Variants in ADGRL3 observed in about 807,000 individuals in gnomAD.
ADGRL3 encodes the protein calcium-independent alpha-latrotoxin receptor 3.
ADGRL3 carries 62 observed loss-of-function variants against 153.5 expected under a neutral mutation model. The observed-to-expected ratio is 0.40, with a 90% CI of 0.33 to 0.50. The LOEUF (loss-of-function observed/expected upper bound fraction) is 0.50, where lower values mean the gene tolerates loss of function less well. ADGRL3 is among the 20% of genes least tolerant of loss of function. The pLI, the probability that ADGRL3 is intolerant of heterozygous loss-of-function variation, is 0.47. For missense variants in ADGRL3, 1,641 were observed against 1,859.4 expected (o/e 0.88, Z 2.16); for synonymous variants, 710 against 672.5 (o/e 1.06, Z -0.86).
intron 1 of ADGRL3, among the ~76,000 whole-genome samples, chr4:61,313,774 G>A (rs1435275508): frequency 1.3e-5 from 2 of 152,128 alleles, no homozygotes; most frequent in Non-Finnish European, 2.9e-5. Context: ...AAGAAGTACG[G>A]TGGTTTTTTA....
chr4:61,739,251 A>G (rs1357919685), intron 8 of ADGRL3, among the ~76,000 whole-genome samples: 1 of 152,006 alleles, frequency 6.6e-6, no homozygotes, highest in Non-Finnish European at 1.5e-5. Context: ...GTAGACTTTG[A>G]TTCATATTGT....
intron 5 of ADGRL3, among the ~76,000 whole-genome samples, chr4:61,602,098 G>A (rs528504315): frequency 2.9e-5 from 3 of 103,950 alleles, no homozygotes; most frequent in African/African-American, 9.3e-5. Flanking sequence ...CTTGATCCAT[G>A]CTAAAATGAC....
intron 25 of ADGRL3, among the ~76,000 whole-genome samples, chr4:62,045,297 T>G (rs545172219): frequency 2.0e-5 from 3 of 151,950 alleles, no homozygotes; most frequent in Non-Finnish European, 4.4e-5. Context: ...AGAATTCATT[T>G]TGCTGCAGTA....
chr4:61,989,745 T>G (rs1410938423), intron 19 of ADGRL3, among the ~76,000 whole-genome samples: 2 of 152,046 alleles, frequency 1.3e-5, no homozygotes, highest in Non-Finnish European at 2.9e-5. Context: ...AATGAAATGT[T>G]AGACTTAAAA....
At chr4:61,869,936 T>TAAAAAAAAAAAAAAAAAAAAAAAAAAAAA (rs1190618911) in intron 9 of ADGRL3, among the ~76,000 whole-genome samples, 1 of 10,506 alleles carries the variant, frequency 9.5e-5, no homozygotes, top group Non-Finnish European at 2.6e-4. Flanking sequence ...AAAACTTTGT[T>TAAAAAAAAAAAAAAAAAAAAAAAAAAAAA]AAAAAAAAAA....
chr4:61,245,795 A>T, intron 1 of ADGRL3, among the ~76,000 whole-genome samples: 1 of 152,126 alleles, frequency 6.6e-6, no homozygotes, highest in East Asian at 1.9e-4. Flanking sequence ...AATAGCATTA[A>T]GTGGTAAACA....
chr4:61,691,572 T>C (rs1430373181), intron 6 of ADGRL3, among the ~76,000 whole-genome samples: 1 of 152,168 alleles, frequency 6.6e-6, no homozygotes, highest in African/African-American at 2.4e-5. Flanking sequence ...ACTATTTGAA[T>C]AAGTAATGCA....
intron 6 of ADGRL3, among the ~76,000 whole-genome samples, chr4:61,716,400 C>A (rs748586620): frequency 6.6e-6 from 1 of 152,124 alleles, no homozygotes; most frequent in Non-Finnish European, 1.5e-5. Flanking sequence ...AAATTAACCT[C>A]TCTCTTCTGC....
rs2097140387 is a variant in ADGRL3, at chr4:61,775,755, T to A, written c.1400-38054T>A. The A allele has an allele frequency of 9.2e-6, 8 of 871,226 alleles. No individual in the cohort carries two copies. In the South Asian group the frequency reaches 1.0e-4, roughly 11 times the overall value. 54.0% of individuals were successfully genotyped at this position (871,226 alleles called of 1,614,324 possible). Reference sequence around the variant, plus strand: ...CTTTGGTAGCTTCATGAATTCCACGTGCTAGGCAATCGTGGATGAGGGCAG... The same window carrying A: ...CTTTGGTAGCTTCATGAATTCCACGAGCTAGGCAATCGTGGATGAGGGCAG... On this transcript the variant is annotated intron_variant, in intron 8 of 26. Transcript: ENST00000683033.
At chr4:61,281,319 T>C (rs2093715304) in intron 1 of ADGRL3, among the ~76,000 whole-genome samples, 1 of 152,148 alleles carries the variant, frequency 6.6e-6, no homozygotes, top group African/African-American at 2.4e-5. Context: ...TTTTTAAAGC[T>C]TTTTTACTTG....
At chr4:61,345,157 T>C (rs1393300385) in intron 1 of ADGRL3, among the ~76,000 whole-genome samples, 1 of 152,022 alleles carries the variant, frequency 6.6e-6, no homozygotes, top group Non-Finnish European at 1.5e-5. Context: ...AGTATGTTAG[T>C]ATATTAAAGA....
At chr4:61,597,401 G>A (rs544579053) in intron 5 of ADGRL3, among the ~76,000 whole-genome samples, 292 of 152,144 alleles carry the variant, frequency 1.9e-3, no homozygotes, top group African/African-American at 6.8e-3. Flanking sequence ...TATTGATGTT[G>A]TTGAATTATT....
At chr4:61,290,663 AAAGG>A (rs35577402) in intron 1 of ADGRL3, among the ~76,000 whole-genome samples, 47,621 of 145,832 alleles carry the variant, frequency 0.33, 8,281 homozygotes, top group East Asian at 0.41. Context: ...AGGAAGGAAG[AAAGG>A]AAGGAAGGAA....
chr4:61,886,051 A>G (rs2098537024), intron 9 of ADGRL3, among the ~76,000 whole-genome samples: 1 of 152,222 alleles, frequency 6.6e-6, no homozygotes, highest in African/African-American at 2.4e-5. Flanking sequence ...TGAAAGAACT[A>G]GAAAGTATAA....
At chr4:61,257,604 A>T (rs1254047097) in intron 1 of ADGRL3, among the ~76,000 whole-genome samples, 1 of 152,176 alleles carries the variant, frequency 6.6e-6, no homozygotes, top group Non-Finnish European at 1.5e-5. Flanking sequence ...GTATTTTATT[A>T]GTGCAGTTTT....
intron 1 of ADGRL3, among the ~76,000 whole-genome samples, chr4:61,255,821 G>T (rs1291367603): frequency 1.3e-5 from 2 of 152,128 alleles, no homozygotes; most frequent in Non-Finnish European, 2.9e-5. Context: ...CCAATAAATT[G>T]TTTCCTAGCA....
At chr4:61,338,474 A>T (rs2095734373) in intron 1 of ADGRL3, among the ~76,000 whole-genome samples, 1 of 151,940 alleles carries the variant, frequency 6.6e-6, no homozygotes, top group Admixed American at 6.6e-5. Context: ...TGGCACAGGG[A>T]TCTGCATGTT....
intron 17 of ADGRL3, among the ~76,000 whole-genome samples, chr4:61,961,087 G>A (rs1187258558): frequency 6.6e-6 from 1 of 152,038 alleles, no homozygotes; most frequent in Admixed American, 6.6e-5. Flanking sequence ...AGATCAGTTA[G>A]CATATTCACC....
At chr4:61,652,404 A>T (rs2150403826) in intron 5 of ADGRL3, among the ~76,000 whole-genome samples, 1 of 152,300 alleles carries the variant, frequency 6.6e-6, no homozygotes, top group South Asian at 2.1e-4. Context: ...TGATTAAATA[A>T]AGCGGAGGTC....
Sources: gnomAD v4.1 joint callset for allele counts (sites outside exome capture counted in the v4.1 genomes callset) on GRCh38, gnomAD v4.1.1 for gene constraint, MANE v1.5 for transcripts, NCBI Gene and HGNC (gene_info 2026-07-23, HGNC 2026-07-21) for gene names.